ATF7IP2: variants seen among roughly 807,000 people sequenced by gnomAD.
ATF7IP2 encodes the protein activating transcription factor 7-interacting protein 2.
Under a neutral mutation model 64.2 loss-of-function variants are expected in ATF7IP2, and 42 were observed. That is an observed-to-expected ratio of 0.65 (90% confidence interval 0.51 to 0.85). The LOEUF (loss-of-function observed/expected upper bound fraction) is 0.85. Ranked by LOEUF, ATF7IP2 falls within the 40% of genes least tolerant of loss-of-function variation. The pLI is 0.00. For missense variants in ATF7IP2, 933 were observed against 784.2 expected (o/e 1.19, Z -2.27); for synonymous variants, 308 against 272.8 (o/e 1.13, Z -1.27).
At chr16:10,471,220 A>G (rs1254815800) in intron 9 of ATF7IP2, among the ~76,000 whole-genome samples, 1 of 152,152 alleles carries the variant, frequency 6.6e-6, no homozygotes, top group Non-Finnish European at 1.5e-5. Context: ...AAAACAGAAG[A>G]TGTCTGCAAG....
intron 6 of ATF7IP2, among the ~76,000 whole-genome samples, chr16:10,436,660 T>C (rs2048430421): frequency 6.6e-6 from 1 of 152,160 alleles, no homozygotes; most frequent in Admixed American, 6.6e-5. Flanking sequence ...GTGTTCTATT[T>C]TGAGCATCAT....
intron 4 of ATF7IP2, among the ~76,000 whole-genome samples, chr16:10,430,134 A>T (rs1440692060): frequency 6.6e-6 from 1 of 152,172 alleles, no homozygotes; most frequent in Non-Finnish European, 1.5e-5. Context: ...GATTACAGGC[A>T]TGAGCCACGA....
chr16:10,453,929 C>G (rs748850898), intron 8 of ATF7IP2: 7 of 152,266 alleles, frequency 4.6e-5, no homozygotes, highest in African/African-American at 1.7e-4. Flanking sequence ...GCATGAGCCA[C>G]TACGCCTGGC....
intron 12 of ATF7IP2, among the ~76,000 whole-genome samples, chr16:10,477,965 C>G (rs1420827251): frequency 2.6e-4 from 38 of 144,726 alleles, no homozygotes; most frequent in African/African-American, 8.8e-4. Flanking sequence ...AGGACCTCTT[C>G]AAGGAGAACT....
intron 12 of ATF7IP2, among the ~76,000 whole-genome samples, chr16:10,474,709 C>A (rs566128021): frequency 1.9e-4 from 29 of 152,192 alleles, no homozygotes; most frequent in African/African-American, 7.0e-4. Flanking sequence ...AGGATAAACA[C>A]AAAAGAATTC....
intron 8 of ATF7IP2, among the ~76,000 whole-genome samples, chr16:10,455,728 G>T (rs1412162419): frequency 4.6e-5 from 7 of 152,142 alleles, no homozygotes; most frequent in Non-Finnish European, 1.0e-4. Context: ...AAGGAAATGA[G>T]CACAGTGGAG....
intron 1 of ATF7IP2, among the ~76,000 whole-genome samples, chr16:10,411,821 T>C (rs1356896735): frequency 6.6e-6 from 1 of 151,976 alleles, no homozygotes; most frequent in Admixed American, 6.6e-5. Context: ...TGCATAAAGG[T>C]GTTGAATTAG....
chr16:10,391,594 A>C (rs548535363), intron 1 of ATF7IP2, among the ~76,000 whole-genome samples: 3 of 152,178 alleles, frequency 2.0e-5, no homozygotes, highest in Admixed American at 1.3e-4. Flanking sequence ...AGAGAAAAGC[A>C]CATCACTAAT....
chr16:10,406,287 G>A (rs1382755380), intron 1 of ATF7IP2, among the ~76,000 whole-genome samples: 2 of 151,980 alleles, frequency 1.3e-5, no homozygotes, highest in Non-Finnish European at 2.9e-5. Context: ...TTTATATTTT[G>A]TAGAGATGGG....
At chr16:10,423,746 C>T (rs949928069) in intron 3 of ATF7IP2, among the ~76,000 whole-genome samples, 3 of 152,302 alleles carry the variant, frequency 2.0e-5, no homozygotes, top group East Asian at 3.9e-4. Flanking sequence ...TACTTCATTA[C>T]ACCCTCCTTC....
intron 12 of ATF7IP2, 120 bp downstream of exon 12, chr16:10,474,109 T>C (rs1456968130): frequency 1.5e-6 from 1 of 653,474 alleles, no homozygotes; most frequent in Non-Finnish European, 2.6e-6. Context: ...TTTATATCTC[T>C]GTGCAGTTTT....
intron 9 of ATF7IP2, among the ~76,000 whole-genome samples, chr16:10,465,833 G>C (rs567203257): frequency 1.5e-4 from 23 of 152,112 alleles, no homozygotes; most frequent in African/African-American, 5.3e-4. Flanking sequence ...ATTCCCGTTA[G>C]ACCATAAGTT....
rs766945265 is a variant in ATF7IP2, at chr16:10,482,129, A to T, written c.1929A>T (p.Leu643Phe). The change falls in exon 14 of 14, where the codon TTA becomes TTT. Residue 643 changes from leucine to phenylalanine, a missense_variant. Leu to Phe is a conservative substitution (Grantham distance 22). Coordinates refer to ENST00000562102, the MANE Select transcript of ATF7IP2 (RefSeq NM_001393719.1). ...TACCACTCCCCATGGCCTGTACTTT[A>T]TCTCAGTTTTTAGCTTCCAACAGAT... is the stretch of plus-strand genomic sequence containing the variant. ...KALPLPMACT[L>F]SQFLASNRYY... 4 of 1,614,106 alleles carry T rather than the reference A, an allele frequency of 2.5e-6. No individual in the cohort carries two copies. Among genetic ancestry groups the T allele is most frequent in the Admixed American group, 1.7e-5 (1 of 60,028 alleles).
In ATF7IP2 at chr16:10,483,495, C is replaced by G. The variant is rs1315501894; in HGVS notation, c.*1246C>G. On this transcript the variant is annotated 3_prime_UTR_variant, in exon 14 of 14. Transcript: ENST00000562102. The stretch of plus-strand genomic sequence containing the variant: ...GGATGATAAGAAACAAAAATAATCC[C>G]AACTGTTTGAAAGTTCGAAAGAGGG... The G allele has an allele frequency of 2.0e-5, 3 of 152,128 alleles. No homozygotes were observed. Among genetic ancestry groups the G allele is most frequent in the Non-Finnish European group, 4.4e-5 (3 of 68,028 alleles). 9.4% of individuals were successfully genotyped at this position (152,128 alleles called of 1,614,324 possible). A position where few individuals can be genotyped will look rare whatever the true frequency, so the allele number is the denominator to read the frequency against.
Position 10,431,199 on chromosome 16 carries a change from A to C in ATF7IP2, c.579A>C (p.Lys193Asn). The change falls in exon 5 of 14, where the codon AAA becomes AAC. Residue 193 changes from lysine to asparagine, a missense_variant. Physicochemically the swap from Lys to Asn is moderately conservative, Grantham distance 94 (BLOSUM62 0). Transcript: ENST00000562102. Reference protein sequence around the residue: ...STVTSTVGDKKTDQMVFHLET... With the variant: ...STVTSTVGDKNTDQMVFHLET... ...TAACCAGTACCGTGGGTGACAAGAA[A>C]ACTGACCAGATGGTTTTCCATTTAG... The C allele has an allele frequency of 6.2e-7, 1 of 1,614,218 alleles. No homozygotes were observed. Among genetic ancestry groups the C allele is most frequent in the Non-Finnish European group, 8.5e-7 (1 of 1,180,044 alleles).
intron 1 of ATF7IP2, among the ~76,000 whole-genome samples, chr16:10,402,996 T>A (rs552972438): frequency 6.6e-6 from 1 of 152,296 alleles, no homozygotes; most frequent in African/African-American, 2.4e-5. Flanking sequence ...AAATGTATAC[T>A]CTGTTCTATG....
At position 10,400,452 on chromosome 16, in the gene ATF7IP2, A is replaced by T. The variant is rs564480328; in HGVS notation, c.-241-14122A>T. On this transcript the variant is annotated intron_variant, in intron 1 of 13. Coordinates refer to ENST00000562102, the MANE Select transcript of ATF7IP2 (RefSeq NM_001393719.1). ...GATCATATATCATCAGCAAACAGATACACTGATATCCTATTTCCCTTTTCT... is the reference window on the plus strand; with the variant it reads ...GATCATATATCATCAGCAAACAGATTCACTGATATCCTATTTCCCTTTTCT... 5.3e-5 allele frequency among the ~76,000 whole-genome samples: 8 copies of T among 151,978 alleles called. No homozygotes were observed. The South Asian group carries it at 1.7e-3, about 31-fold the overall frequency.
chr16:10,450,670 G>C (rs1186988327), intron 8 of ATF7IP2, among the ~76,000 whole-genome samples: 1 of 151,814 alleles, frequency 6.6e-6, no homozygotes, highest in Non-Finnish European at 1.5e-5. Context: ...TTGCTTGGTA[G>C]ATCTTCCTCC....
chr16:10,433,805 A>G (rs1025613939), intron 6 of ATF7IP2, among the ~76,000 whole-genome samples, 156 bp downstream of exon 6: 12 of 152,204 alleles, frequency 7.9e-5, no homozygotes, highest in African/African-American at 2.9e-4. Flanking sequence ...CTGGGGAGAG[A>G]TAACTACTTA....
Sources: allele counts gnomAD v4.1 joint callset (sites outside exome capture counted in the v4.1 genomes callset), GRCh38; gene constraint gnomAD v4.1.1; transcripts MANE v1.5; gene names NCBI Gene and HGNC (gene_info 2026-07-23, HGNC 2026-07-21).